AIM2: variants seen among roughly 807,000 people sequenced by gnomAD.
The protein encoded by AIM2 is interferon-inducible protein AIM2.
A neutral mutation model predicts 27.7 loss-of-function variants in AIM2; 30 were observed. The ratio of observed to expected loss-of-function variants is 1.08; its 90% CI spans 0.81 to 1.47. AIM2 has a LOEUF of 1.47. Ranked by LOEUF, AIM2 falls within the 40% of genes most tolerant of loss-of-function variation. The probability of loss-of-function intolerance (pLI) is 0.00; values close to 1 mark genes in which losing one functional copy is unlikely to be tolerated. For missense variants in AIM2, 358 were observed against 411.3 expected (o/e 0.87, Z 1.12); for synonymous variants, 141 against 145.3 (o/e 0.97, Z 0.21).
chr1:159,062,321 G>A (rs1467955349), downstream of AIM2, among the ~76,000 whole-genome samples: 4 of 152,082 alleles, frequency 2.6e-5, no homozygotes, highest in African/African-American at 4.8e-5. Flanking sequence ...ATGTTGTACA[G>A]GATCTTCTAA....
At chr1:159,074,078 T>C (rs1656490624) in intron 1 of AIM2, among the ~76,000 whole-genome samples, 1 of 152,102 alleles carries the variant, frequency 6.6e-6, no homozygotes, top group Non-Finnish European at 1.5e-5. Flanking sequence ...GGAAACAGGA[T>C]ACATTTTCCT....
rs771369134 is a variant in AIM2, at chr1:159,096,447, G to A, written c.-15-30118C>T. ...GCTTAATAAATGTTGGATGTGTCAT[G>A]TATACCAGGGGAATAATAATATAGT... On this transcript the variant is annotated intron_variant, in intron 1 of 2. Coordinates refer to the AIM2 transcript ENST00000368129. Among the ~76,000 whole-genome samples the A allele has an allele frequency of 8.5e-4, 130 of 152,234 alleles. 1 individual carries two copies. The highest frequency in any genetic ancestry group is 5.4e-4 in the Non-Finnish European group (37 of 68,038).
downstream of AIM2, among the ~76,000 whole-genome samples, chr1:159,059,703 C>A (rs1007826057): frequency 6.6e-6 from 1 of 152,112 alleles, no homozygotes; most frequent in Non-Finnish European, 1.5e-5. Context: ...ACATCCCCAC[C>A]TTTGCTTGCT....
intron 1 of AIM2, among the ~76,000 whole-genome samples, chr1:159,089,792 C>CT (rs1657005406): frequency 6.6e-6 from 1 of 152,208 alleles, no homozygotes; most frequent in Admixed American, 6.5e-5. Flanking sequence ...TCTAAGCTTT[C>CT]CATAAATCAC....
intron 1 of AIM2, among the ~76,000 whole-genome samples, chr1:159,127,531 T>C (rs1647754155): frequency 6.6e-6 from 1 of 152,210 alleles, no homozygotes; most frequent in Admixed American, 6.5e-5. Context: ...CTAAAATGGA[T>C]AGTATCACTT....
intron 1 of AIM2, among the ~76,000 whole-genome samples, chr1:159,111,347 A>C (rs1448814546): frequency 6.6e-6 from 1 of 152,246 alleles, no homozygotes; most frequent in East Asian, 1.9e-4. Flanking sequence ...AAAGCAAAGC[A>C]AAATAGACGT....
chr1:159,114,924 C>G (rs1350007811), intron 1 of AIM2, among the ~76,000 whole-genome samples: 1 of 152,100 alleles, frequency 6.6e-6, no homozygotes, highest in Non-Finnish European at 1.5e-5. Context: ...GATTGTATAT[C>G]TAGAAAACCC....
intron 1 of AIM2, among the ~76,000 whole-genome samples, chr1:159,075,609 TATAGAG>T (rs1259889739): frequency 6.8e-5 from 10 of 146,928 alleles, no homozygotes; most frequent in South Asian, 2.2e-4. Flanking sequence ...TATATATATA[TATAGAG>T]AGAGAGAGAG....
At chr1:159,127,365 G>C (rs970520149) in intron 1 of AIM2, among the ~76,000 whole-genome samples, 1 of 152,196 alleles carries the variant, frequency 6.6e-6, no homozygotes. Flanking sequence ...ACACTATCTT[G>C]AGTCAAGTAA....
chr1:159,084,960 G>A (rs1193792137), intron 1 of AIM2, among the ~76,000 whole-genome samples: 2 of 151,916 alleles, frequency 1.3e-5, no homozygotes, highest in Non-Finnish European at 2.9e-5. Context: ...ACCAAACCAG[G>A]CAACAAAACT....
At chr1:159,122,120 A>C (rs1647554150) in intron 1 of AIM2, 1 of 152,212 alleles carries the variant, frequency 6.6e-6, no homozygotes, top group South Asian at 2.1e-4. Flanking sequence ...CAGAACACAG[A>C]GTCATCTCAG....
At chr1:159,139,183 A>T (rs928770138) in intron 1 of AIM2, among the ~76,000 whole-genome samples, 8 of 152,118 alleles carry the variant, frequency 5.3e-5, no homozygotes, top group Non-Finnish European at 1.2e-4. Flanking sequence ...AGCCAGGAGG[A>T]CCCTCTACCT....
upstream of AIM2, among the ~76,000 whole-genome samples, chr1:159,078,762 C>T (rs575016129): frequency 6.6e-4 from 101 of 152,256 alleles, no homozygotes; most frequent in African/African-American, 2.1e-3. Flanking sequence ...AACAGTCTCA[C>T]GGAGAAAAGT....
chr1:159,060,179 T>C (rs1277556193), downstream of AIM2, among the ~76,000 whole-genome samples: 2 of 152,232 alleles, frequency 1.3e-5, no homozygotes, highest in African/African-American at 4.8e-5. Flanking sequence ...CTAACACTTC[T>C]GAGGACATTT....
chr1:159,111,905 G>T (rs8179304), intron 1 of AIM2, among the ~76,000 whole-genome samples: 4,821 of 151,368 alleles, frequency 0.032, 194 homozygotes, highest in East Asian at 0.12. Context: ...AGCCGAGCAT[G>T]GTGGTGGGCA....
At chr1:159,118,048 A>C (rs747935000) in intron 1 of AIM2, among the ~76,000 whole-genome samples, 5 of 152,162 alleles carry the variant, frequency 3.3e-5, no homozygotes, top group Non-Finnish European at 5.9e-5. Flanking sequence ...AAAATCTCTT[A>C]TACAGCCTCA....
chr1:159,133,187 C>T (rs1177372964), intron 1 of AIM2, among the ~76,000 whole-genome samples: 1 of 138,784 alleles, frequency 7.2e-6, no homozygotes, highest in Admixed American at 6.8e-5. Context: ...CTCTCTCTCT[C>T]TCTCTTTCTC....
intron 2 of AIM2, 129 bp downstream of exon 2, chr1:159,073,109 C>T (rs1336424762): frequency 3.5e-6 from 4 of 1,131,194 alleles, no homozygotes; most frequent in Non-Finnish European, 5.0e-6. Flanking sequence ...GGCAAAGAGA[C>T]AGGTGCACTA....
chr1:159,103,821 C>T (rs939755971), intron 1 of AIM2, among the ~76,000 whole-genome samples: 7 of 152,156 alleles, frequency 4.6e-5, no homozygotes, highest in African/African-American at 1.7e-4. Flanking sequence ...TTTCTCCTTT[C>T]TCTTTCTGAC....
Sources: gnomAD v4.1 joint callset for allele counts (sites outside exome capture counted in the v4.1 genomes callset) on GRCh38, gnomAD v4.1.1 for gene constraint, MANE v1.5 for transcripts, NCBI Gene and HGNC (gene_info 2026-07-23, HGNC 2026-07-21) for gene names.